Variants in CDK5RAP2 observed in about 807,000 individuals in gnomAD.
CDK5RAP2 encodes the protein CDK5 regulatory subunit-associated protein 2.
Under a neutral mutation model 232.9 loss-of-function variants are expected in CDK5RAP2, and 147 were observed. The observed-to-expected ratio is 0.63, with a 90% confidence interval of 0.55 to 0.72. CDK5RAP2 has a LOEUF of 0.72. CDK5RAP2 is among the 30% of genes least tolerant of loss of function. CDK5RAP2 has a pLI of 0.00. For missense variants in CDK5RAP2, 2,195 were observed against 2,231.5 expected (o/e 0.98, Z 0.33); for synonymous variants, 833 against 833.7 (o/e 1.00, Z 0.01).
chr9:120,477,734 A>G (rs916187506), intron 14 of CDK5RAP2, among the ~76,000 whole-genome samples: 2 of 149,966 alleles, frequency 1.3e-5, no homozygotes, highest in Non-Finnish European at 1.5e-5. Flanking sequence ...TTAGCCCATC[A>G]TGAGTCTGTC....
rs986561374 is a variant in CDK5RAP2, at chr9:120,439,467, A to C, written c.3654T>G (p.Asn1218Lys). Reference sequence around the variant, plus strand: ...TCTCACTGAAAAGTTGCATGTTCAAATTCTGCTCCTTCTGCAGCTTGTATT... The same window carrying C: ...TCTCACTGAAAAGTTGCATGTTCAACTTCTGCTCCTTCTGCAGCTTGTATT... ...EQEYKLQKEQ[N>K]LNMQLFSEIH... Residue 1218 changes from asparagine to lysine, a missense_variant, in exon 24 of 38, where the codon AAT becomes AAG. Transcript: ENST00000349780. 1 of 1,614,072 alleles carries C rather than the reference A, an allele frequency of 6.2e-7. No individual in the cohort carries two copies. Among genetic ancestry groups the C allele is most frequent in the African/African-American group, 1.3e-5 (1 of 74,934 alleles).
At chr9:120,435,039 A>C (rs759322521) in intron 25 of CDK5RAP2, among the ~76,000 whole-genome samples, 3 of 152,234 alleles carry the variant, frequency 2.0e-5, no homozygotes, top group Non-Finnish European at 4.4e-5. Context: ...TAAATCAATA[A>C]AAATAGGGTA....
chr9:120,389,838 A>G (rs1336694109), intron 36 of CDK5RAP2, 51 bp from the exon 37 acceptor site: 1 of 1,573,940 alleles, frequency 6.4e-7, no homozygotes, highest in Non-Finnish European at 8.7e-7. Flanking sequence ...TATCCAGGAG[A>G]GCTGTGTGAA....
In CDK5RAP2 at chr9:120,489,933, G is replaced by A. The variant is rs548387484; in HGVS notation, c.1482+1374C>T. ...AGCGATTCTCCTGCCTCAGCCTCCCGAGTAGCTGGGATTACAGGCATGCAC... is the reference window on the plus strand; with the variant it reads ...AGCGATTCTCCTGCCTCAGCCTCCCAAGTAGCTGGGATTACAGGCATGCAC... On this transcript the variant is annotated intron_variant, in intron 13 of 37. Coordinates refer to ENST00000349780, the MANE Select transcript of CDK5RAP2 (RefSeq NM_018249.6). 4.8e-3 allele frequency among the ~76,000 whole-genome samples: 730 copies of A among 151,528 alleles called. 9 individuals carry two copies. Among genetic ancestry groups the A allele is most frequent in the African/African-American group, 0.017 (683 of 41,272 alleles).
intron 12 of CDK5RAP2, among the ~76,000 whole-genome samples, chr9:120,518,211 G>GTGTGTGAGAC (rs1554770754): frequency 5.8e-3 from 182 of 31,578 alleles, no homozygotes; most frequent in South Asian, 0.013. Flanking sequence ...GTGTGTGTGT[G>GTGTGTGAGAC]AGAGAGAGAG....
chr9:120,454,819 T>A (rs1191012133), intron 20 of CDK5RAP2, among the ~76,000 whole-genome samples: 2 of 152,182 alleles, frequency 1.3e-5, no homozygotes, highest in South Asian at 2.1e-4. Context: ...GTATATACAG[T>A]CCCTCAGAGG....
intron 1 of CDK5RAP2, among the ~76,000 whole-genome samples, chr9:120,574,160 T>A (rs1264770346): frequency 6.6e-6 from 1 of 152,190 alleles, no homozygotes; most frequent in Non-Finnish European, 1.5e-5. Flanking sequence ...ACATCCCAAC[T>A]CTTAGACAAA....
chr9:120,461,699 G>A (rs12683630), intron 18 of CDK5RAP2, among the ~76,000 whole-genome samples: 1,588 of 152,226 alleles, frequency 0.01, 25 homozygotes, highest in African/African-American at 0.036. Context: ...AAAATTCGCC[G>A]GGTGTGGTGG....
At position 120,530,070 on chromosome 9, in the gene CDK5RAP2, A is replaced by C; in HGVS notation, c.733T>G (p.Ser245Ala). 6.2e-7 allele frequency: 1 copy of C among 1,613,842 alleles called. No homozygotes were observed. The highest frequency in any genetic ancestry group is 8.5e-7 in the Non-Finnish European group (1 of 1,179,788). ...ALIQCLKEEK[S>A]QMACPDENVS... ...TTCTCATCAGGACATGCCATCTGAG[A>C]TTTCTCCTCTTTAAGGCACTGAATT... The change falls in exon 8 of 38, where the codon TCT (serine) becomes GCT (alanine). Residue 245 changes from serine (S) to alanine (A), a missense_variant. Coordinates refer to ENST00000349780, the MANE Select transcript of CDK5RAP2 (RefSeq NM_018249.6).
At chr9:120,513,501 C>T (rs576280171) in intron 12 of CDK5RAP2, among the ~76,000 whole-genome samples, 4 of 152,272 alleles carry the variant, frequency 2.6e-5, no homozygotes, top group South Asian at 4.2e-4. Flanking sequence ...CTCTTCTTCC[C>T]CAAAATCACC....
At chr9:120,464,455 C>T (rs2037262926) in intron 18 of CDK5RAP2, among the ~76,000 whole-genome samples, 1 of 152,134 alleles carries the variant, frequency 6.6e-6, no homozygotes, top group African/African-American at 2.4e-5. Context: ...CACTGCTGAA[C>T]AAATAAACAA....
chr9:120,551,952 G>C (rs2042056561), intron 3 of CDK5RAP2, among the ~76,000 whole-genome samples: 1 of 151,980 alleles, frequency 6.6e-6, no homozygotes, highest in South Asian at 2.1e-4. Context: ...ATCTGACAAA[G>C]GGCTAATATC....
intron 17 of CDK5RAP2, among the ~76,000 whole-genome samples, chr9:120,469,320 C>T (rs1163129538): frequency 6.6e-6 from 1 of 152,186 alleles, no homozygotes; most frequent in Admixed American, 6.5e-5. Context: ...ACCCCCCCAT[C>T]TCCCATACAG....
intron 27 of CDK5RAP2, among the ~76,000 whole-genome samples, chr9:120,418,305 T>C (rs1252701697): frequency 1.3e-5 from 2 of 151,972 alleles, no homozygotes; most frequent in East Asian, 1.9e-4. Flanking sequence ...ACATTAGAAA[T>C]AGAACAAGGT....
chr9:120,551,378 T>C (rs1273977310), intron 3 of CDK5RAP2, among the ~76,000 whole-genome samples: 1 of 152,090 alleles, frequency 6.6e-6, no homozygotes, highest in Admixed American at 6.6e-5. Flanking sequence ...CACCCACAAA[T>C]GGCTTATTAA....
chr9:120,506,292 C>A (rs1458524564), intron 12 of CDK5RAP2, among the ~76,000 whole-genome samples: 1 of 152,222 alleles, frequency 6.6e-6, no homozygotes, highest in African/African-American at 2.4e-5. Context: ...TTCAAGCCTA[C>A]TGTTGAGACC....
In CDK5RAP2 at chr9:120,455,381, A is replaced by AC. The variant is rs369681233; in HGVS notation, c.2376-1509_2376-1508insG. Among the ~76,000 whole-genome samples, 550 of 151,840 alleles carry AC rather than the reference A, an allele frequency of 3.6e-3. 4 individuals are homozygous for AC. The highest frequency in any genetic ancestry group is 0.013 in the African/African-American group (519 of 41,402). On this transcript the variant is annotated intron_variant, in intron 20 of 37. Transcript: ENST00000349780. ...CCTGTACAACACGTTAAAAAAAAAA[A>AC]AAAAAAAAACGAAGGCCACTGAAAG...
chr9:120,414,302 G>A (rs140656503), intron 28 of CDK5RAP2, among the ~76,000 whole-genome samples: 95 of 152,270 alleles, frequency 6.2e-4, no homozygotes, highest in African/African-American at 1.8e-3. Flanking sequence ...TCCACACTCC[G>A]GCCAGTTCAA....
At chr9:120,443,505 G>T in intron 23 of CDK5RAP2, 115 bp downstream of exon 23, 2 of 1,197,852 alleles carry the variant, frequency 1.7e-6, no homozygotes, top group East Asian at 2.3e-5. Context: ...AGACTGGAAT[G>T]ATAATAATGC....
Sources: gnomAD v4.1 joint callset for allele counts (sites outside exome capture counted in the v4.1 genomes callset) on GRCh38, gnomAD v4.1.1 for gene constraint, MANE v1.5 for transcripts, NCBI Gene and HGNC (gene_info 2026-07-23, HGNC 2026-07-21) for gene names.